The following RHEBL1 variants were observed in gnomAD, a reference collection of about 807,000 sequenced individuals.
The protein encoded by RHEBL1 is RHEB like 1, also known as GTPase RhebL1.
In RHEBL1, 22 loss-of-function variants were observed where a neutral mutation model predicts 27.4. The ratio of observed to expected loss-of-function variants is 0.80; its 90% CI spans 0.57 to 1.15. The LOEUF (loss-of-function observed/expected upper bound fraction) is 1.15. RHEBL1 is among the 50% of genes most tolerant of loss of function. The probability of loss-of-function intolerance (pLI) is 0.00; values close to 1 mark genes in which losing one functional copy is unlikely to be tolerated. For missense variants in RHEBL1, 186 were observed against 226.5 expected, an observed-to-expected ratio of 0.82 and a Z score of 1.15; for synonymous variants, 85 against 80.8, an observed-to-expected ratio of 1.05 and a Z score of -0.28.
intron 3 of RHEBL1, 133 bp from the exon 4 acceptor site, chr12:49,066,834 G>T: frequency 1.8e-6 from 2 of 1,083,382 alleles, no homozygotes; most frequent in East Asian, 2.4e-5. Flanking sequence ...TTATGGAACA[G>T]CTCCAATGAG....
chr12:49,067,130 T>TGAGA, intron 2 of RHEBL1, 95 bp from the exon 3 acceptor site: 1 of 768,874 alleles, frequency 1.3e-6, no homozygotes, highest in Non-Finnish European at 2.1e-6. Flanking sequence ...GAGACAAGAG[T>TGAGA]CTCACTCTAT....
chr12:49,068,819 G>A (rs1192136711), intron 2 of RHEBL1, among the ~76,000 whole-genome samples: 1 of 152,200 alleles, frequency 6.6e-6, no homozygotes, highest in Admixed American at 6.5e-5. Context: ...ACACGCTAAG[G>A]TTCTTAATGT....
chr12:49,069,192 A>G, intron 1 of RHEBL1, 86 bp from the exon 2 acceptor site: 1 of 1,607,250 alleles, frequency 6.2e-7, no homozygotes, highest in African/African-American at 1.3e-5. Flanking sequence ...CCAGGACCAA[A>G]GGAGACCCCA....
chr12:49,069,618 C>G (rs2120773776), intron 1 of RHEBL1, 116 bp downstream of exon 1: 2 of 941,566 alleles, frequency 2.1e-6, no homozygotes, highest in South Asian at 2.6e-5. Flanking sequence ...AATCCTCGCT[C>G]TACAACCCCA....
At chr12:49,066,763 G>A in intron 3 of RHEBL1, 62 bp from the exon 4 acceptor site, 1 of 1,491,214 alleles carries the variant, frequency 6.7e-7, no homozygotes, top group Non-Finnish European at 9.4e-7. Context: ...AAAGGTTGGT[G>A]GGACAACATC....
chr12:49,069,342 C>T (rs1347527086), intron 1 of RHEBL1, among the ~76,000 whole-genome samples: 1 of 152,114 alleles, frequency 6.6e-6, no homozygotes, highest in Non-Finnish European at 1.5e-5. Flanking sequence ...CGCCGCCTTC[C>T]CCACCCCATC....
chr12:49,067,351 C>T (rs1023134661), intron 2 of RHEBL1, among the ~76,000 whole-genome samples: 2 of 151,916 alleles, frequency 1.3e-5, no homozygotes, highest in Admixed American at 6.6e-5. Flanking sequence ...GCACTCTTAG[C>T]ACCCTATAGC....
intron 2 of RHEBL1, among the ~76,000 whole-genome samples, chr12:49,067,788 G>T (rs973722308): frequency 6.6e-6 from 1 of 151,996 alleles, no homozygotes; most frequent in Non-Finnish European, 1.5e-5. Context: ...GAAAAGAAAA[G>T]AAAAATAAAG....
At chr12:49,068,330 C>T (rs1261009924) in intron 2 of RHEBL1, among the ~76,000 whole-genome samples, 2 of 151,742 alleles carry the variant, frequency 1.3e-5, no homozygotes, top group East Asian at 3.9e-4. Flanking sequence ...GGGGTTTCAC[C>T]ATGTTGGCCA....
intron 3 of RHEBL1, 44 bp downstream of exon 3, chr12:49,066,924 G>T: frequency 6.7e-7 from 1 of 1,491,014 alleles, no homozygotes. Flanking sequence ...CTTCATCTCC[G>T]AGGGCTGAAC....
rs1309528171 is a variant in RHEBL1 at position 49,066,702 on chromosome 12, C to A, written c.193-1G>T. The stretch of plus-strand genomic sequence containing the variant: ...AATAGGGCAGAATGCTGTACTCATC[C>A]TGGCAAGAAATGGGAAACATCAGTA... On this transcript the variant is annotated splice_acceptor_variant, in intron 3 of 7. Coordinates refer to ENST00000301068, the MANE Select transcript of RHEBL1 (RefSeq NM_144593.3). LOFTEE classifies it high-confidence loss of function. 3.7e-6 allele frequency: 6 copies of A among 1,613,654 alleles called. No individual in the cohort carries two copies. The highest frequency in any genetic ancestry group is 5.1e-6 in the Non-Finnish European group (6 of 1,179,570).
intron 1 of RHEBL1, 150 bp from the exon 2 acceptor site, chr12:49,069,256 C>G: frequency 7.4e-7 from 1 of 1,351,004 alleles, no homozygotes; most frequent in East Asian, 2.5e-5. Context: ...TTGTGTCTAC[C>G]CTCACCCTCT....
Position 49,069,912 on chromosome 12 carries a change from T to TG in RHEBL1, c.-128_-127insC. 1.3e-6 allele frequency: 1 copy of TG among 780,820 alleles called. No homozygotes were observed. The highest frequency in any genetic ancestry group is 2.2e-6 in the Non-Finnish European group (1 of 461,796). 48.4% of individuals were successfully genotyped at this position (780,820 alleles called of 1,614,324 possible). ...TCACCCCGAAGCTGCCGTGGGCAAG[T>TG]TAGAAGGAAACCAAAACAAGCGCCG... On this transcript the variant is annotated 5_prime_UTR_variant, in exon 1 of 8. Coordinates refer to ENST00000301068, the MANE Select transcript of RHEBL1 (RefSeq NM_144593.3).
In RHEBL1 at chr12:49,064,854, G is replaced by C. The variant is rs548918037; in HGVS notation, c.*249C>G. On this transcript the variant is annotated 3_prime_UTR_variant, in exon 8 of 8. Transcript: ENST00000301068. ...TATCCTGACCCCATAGGTTATAACA[G>C]AATTCATCAAACAAAAACAGAGGGC... is the stretch of plus-strand genomic sequence containing the variant. 2.0e-4 allele frequency: 105 copies of C among 526,476 alleles called. 1 individual carries two copies. Among genetic ancestry groups the C allele is most frequent in the South Asian group, 1.6e-3 (70 of 43,818 alleles). 32.6% of individuals were successfully genotyped at this position (526,476 alleles called of 1,614,324 possible).
chr12:49,065,443 T>A lies in RHEBL1; in HGVS notation c.381-12A>T, dbSNP rs1458721057. 2.5e-6 allele frequency: 4 copies of A among 1,610,520 alleles called. No homozygotes were observed. In the South Asian group the frequency reaches 4.4e-5, roughly 18 times the overall value. On this transcript the variant is annotated splice_polypyrimidine_tract_variant and intron_variant, in intron 6 of 7. Transcript: ENST00000301068. ...CTGCCTGTACCTCTCTGGAAGCAAATTTGGGACATAAAGATGGAGGATAGA... is the reference window on the plus strand; with the variant it reads ...CTGCCTGTACCTCTCTGGAAGCAAAATTGGGACATAAAGATGGAGGATAGA...
Position 49,069,739 on chromosome 12 carries a change from C to G in RHEBL1, c.47G>C (p.Cys16Ser), listed in dbSNP as rs1383456348. ...TCTGCAGGGCGGAGACTCACCTACA[C>G]AGCGGTATCCGAGGATGACCACCTT... ...YRKVVILGYR[C>S]VGKTSLAHQF... The change falls in exon 1 of 8, where the codon TGT (cysteine) becomes TCT (serine). Residue 16 changes from cysteine (C) to serine (S), a missense_variant. By Grantham distance (112) the Cys-to-Ser change is moderately radical. This residue lies in a region of RHEBL1 where 62 missense variants were observed against 62.1 expected (regional missense o/e 1.00). Transcript: ENST00000301068. 11 of 1,613,762 alleles carry G rather than the reference C, an allele frequency of 6.8e-6. No individual in the cohort carries two copies. The highest frequency in any genetic ancestry group is 9.3e-6 in the Non-Finnish European group (11 of 1,179,912).
intron 3 of RHEBL1, 117 bp from the exon 4 acceptor site, chr12:49,066,818 A>T: frequency 8.9e-7 from 1 of 1,121,802 alleles, no homozygotes; most frequent in Non-Finnish European, 1.4e-6. Context: ...TCACTTCAAC[A>T]TGTATTTATG....
At position 49,069,675 on chromosome 12, in the gene RHEBL1, C is replaced by T. The variant is rs1303452705; in HGVS notation, c.52+59G>A. ...TCCCTGGGTCGCGTTCCCACGGCAG[C>T]GCGCCTCTTCTGGCTACAAAGCTGC... On this transcript the variant is annotated intron_variant, in intron 1 of 7. Transcript: ENST00000301068. 2.7e-6 allele frequency: 4 copies of T among 1,499,972 alleles called. No homozygotes were observed. The Admixed American group carries it at 5.0e-5, about 19-fold the overall frequency. 92.9% of individuals were successfully genotyped at this position (1,499,972 alleles called of 1,614,324 possible). A position where few individuals can be genotyped will look rare whatever the true frequency, so the allele number is the denominator to read the frequency against.
intron 1 of RHEBL1, 50 bp from the exon 2 acceptor site, chr12:49,069,156 C>A (rs1488714282): frequency 6.2e-7 from 1 of 1,613,824 alleles, no homozygotes; most frequent in Non-Finnish European, 8.5e-7. Flanking sequence ...TCCACATTCA[C>A]ATCCTCTGTC....
Sources: gnomAD v4.1 joint callset for allele counts (sites outside exome capture counted in the v4.1 genomes callset) on GRCh38, gnomAD v4.1.1 for gene constraint, gnomAD v4.1.1 regional missense constraint, MANE v1.5 for transcripts, NCBI Gene and HGNC (gene_info 2026-07-23, HGNC 2026-07-21) for gene names.